Variants in MTARC2 observed in about 807,000 individuals in gnomAD.
MTARC2 encodes MOCO sulphurase C-terminal domain containing 2.
Under a neutral mutation model 35.6 loss-of-function variants are expected in MTARC2, and 27 were observed. That is an observed-to-expected ratio of 0.76 (90% CI 0.56 to 1.04). The LOEUF is 1.04. MTARC2 is among the 50% of genes least tolerant of loss of function. The pLI is 0.00. For synonymous variants in MTARC2, 158 were observed against 167.1 expected (o/e 0.95, Z 0.42); for missense variants, 412 against 432.5 (o/e 0.95, Z 0.42).
At chr1:220,782,890 G>A (rs1334753927) in intron 7 of MTARC2, among the ~76,000 whole-genome samples, 2 of 152,190 alleles carry the variant, frequency 1.3e-5, no homozygotes, top group Non-Finnish European at 2.9e-5. Context: ...AGCAATAAAA[G>A]TTATCTTGAG....
At position 220,783,981 on chromosome 1, in the gene MTARC2, A is replaced by G. The variant is rs1308776668; in HGVS notation, c.*94A>G. 1.4e-6 allele frequency: 1 copy of G among 717,288 alleles called. No individual in the cohort carries two copies. The highest frequency in any genetic ancestry group is 2.6e-6 in the Non-Finnish European group (1 of 384,994). 44.4% of individuals were successfully genotyped at this position (717,288 alleles called of 1,614,324 possible). A position where few individuals can be genotyped will look rare whatever the true frequency, so the allele number is the denominator to read the frequency against. The stretch of plus-strand genomic sequence containing the variant: ...AACAGCAGCAACGATACATCAGCAA[A>G]TCCTTATTATCCAGCCTTCAACTAT... On this transcript the variant is annotated 3_prime_UTR_variant, in exon 8 of 8. Coordinates refer to ENST00000366913, the MANE Select transcript of MTARC2 (RefSeq NM_017898.5).
intron 1 of MTARC2, chr1:220,754,360 T>C (rs1430410839): frequency 4.4e-6 from 2 of 456,196 alleles, no homozygotes; most frequent in Non-Finnish European, 8.8e-6. Context: ...CTTTGTTCTC[T>C]ATGTCAGAAT....
At chr1:220,761,526 C>A in intron 2 of MTARC2, 132 bp from the exon 3 acceptor site, 3 of 797,864 alleles carry the variant, frequency 3.8e-6, no homozygotes, top group Middle Eastern at 3.7e-4. Context: ...TTCTGCCCAG[C>A]TTTGACCCAG....
At chr1:220,758,896 C>T (rs1376674931) in intron 2 of MTARC2, among the ~76,000 whole-genome samples, 1 of 151,794 alleles carries the variant, frequency 6.6e-6, no homozygotes, top group Non-Finnish European at 1.5e-5. Context: ...TGCAAGAGGA[C>T]CTGGTATACA....
chr1:220,776,637 C>A (rs185498480), intron 4 of MTARC2, among the ~76,000 whole-genome samples: 1 of 152,072 alleles, frequency 6.6e-6, no homozygotes, highest in East Asian at 1.9e-4. Flanking sequence ...ACGATTCTTA[C>A]GAATCCAGAC....
chr1:220,757,591 C>T (rs1671313913), intron 2 of MTARC2, among the ~76,000 whole-genome samples: 1 of 152,080 alleles, frequency 6.6e-6, no homozygotes, highest in African/African-American at 2.4e-5. Flanking sequence ...TTGGTGAGGT[C>T]CCTTTTCAGG....
intron 6 of MTARC2, 89 bp from the exon 7 acceptor site, chr1:220,781,689 A>T (rs1485065408): frequency 1.4e-6 from 2 of 1,401,876 alleles, no homozygotes; most frequent in Non-Finnish European, 2.0e-6. Context: ...ATTTATAAAT[A>T]ACTTGGAAGG....
In MTARC2 at chr1:220,776,914, T is replaced by C. The variant is rs533085774; in HGVS notation, c.751-3104T>C. ...CCCTCGTGTGGTAGGTGCCCAGCCT[T>C]CCTGGCTGCATCTCAGGCCAGGGTA... On this transcript the variant is annotated intron_variant, in intron 4 of 7. Transcript: ENST00000366913. Among the ~76,000 whole-genome samples the C allele has an allele frequency of 8.3e-4, 127 of 152,288 alleles. No individual in the cohort carries two copies. In the Middle Eastern group the frequency reaches 0.01, roughly 12 times the overall value.
At chr1:220,758,966 C>T (rs893077522) in intron 2 of MTARC2, among the ~76,000 whole-genome samples, 1 of 151,956 alleles carries the variant, frequency 6.6e-6, no homozygotes, top group African/African-American at 2.4e-5. Context: ...TATTAATCCA[C>T]CTTATCTATG....
chr1:220,765,776 C>G (rs1453955351), intron 4 of MTARC2, among the ~76,000 whole-genome samples: 1 of 152,158 alleles, frequency 6.6e-6, no homozygotes, highest in Non-Finnish European at 1.5e-5. Context: ...GAGACAGGGT[C>G]TCCCTATGTT....
At position 220,755,010 on chromosome 1, in the gene MTARC2, G is replaced by A. The variant is rs1291332265; in HGVS notation, c.336G>A (p.Val112=). The A allele has an allele frequency of 1.9e-6, 3 of 1,613,178 alleles. No homozygotes were observed. The Admixed American group carries it at 5.0e-5, about 27-fold the overall frequency. The part of the protein sequence containing the change: ...MVTARQEPRL[V]LISIIYENNC... ...CTGCCCGACAGGAGCCTCGCCTCGT[G>A]CTCATCTCCATCATTTATGAGAATA... The change falls in exon 2 of 8, where the codon GTG becomes GTA. Residue 112 remains valine, a synonymous_variant. Transcript: ENST00000366913.
chr1:220,759,210 G>T (rs982737897), intron 2 of MTARC2, among the ~76,000 whole-genome samples: 4 of 151,994 alleles, frequency 2.6e-5, no homozygotes, highest in African/African-American at 9.7e-5. Context: ...GATTTTCTTT[G>T]TAAGAGTCTA....
intron 1 of MTARC2, among the ~76,000 whole-genome samples, chr1:220,753,711 G>T (rs1007238873): frequency 6.6e-6 from 1 of 152,138 alleles, no homozygotes; most frequent in African/African-American, 2.4e-5. Flanking sequence ...ATCAGTGCCT[G>T]CATTTTCCTC....
intron 4 of MTARC2, among the ~76,000 whole-genome samples, chr1:220,771,517 A>G (rs544698626): frequency 1.3e-5 from 2 of 152,286 alleles, no homozygotes; most frequent in South Asian, 4.1e-4. Flanking sequence ...GGGTCTCCAC[A>G]CAGTGCCGTT....
chr1:220,762,569 T>C (rs1259209870), intron 3 of MTARC2, among the ~76,000 whole-genome samples: 1 of 152,182 alleles, frequency 6.6e-6, no homozygotes, highest in Non-Finnish European at 1.5e-5. Flanking sequence ...TTGAGGAAAT[T>C]ATTACTGGAG....
chr1:220,776,250 TC>T (rs66863452), intron 4 of MTARC2, among the ~76,000 whole-genome samples: 3,610 of 152,300 alleles, frequency 0.024, 108 homozygotes, highest in African/African-American at 0.064. Flanking sequence ...CATTGTGGTT[TC>T]GATTTGCATT....
At chr1:220,775,441 G>A (rs1158620655) in intron 4 of MTARC2, among the ~76,000 whole-genome samples, 1 of 152,186 alleles carries the variant, frequency 6.6e-6, no homozygotes, top group African/African-American at 2.4e-5. Flanking sequence ...TTACCAGCAG[G>A]GGGCGCACTA....
intron 6 of MTARC2, among the ~76,000 whole-genome samples, chr1:220,781,342 G>C (rs904936310): frequency 2.6e-5 from 4 of 152,140 alleles, no homozygotes; most frequent in Admixed American, 2.0e-4. Context: ...CTGAATTTTT[G>C]TTCACCAGTG....
At chr1:220,775,820 C>T (rs1178497108) in intron 4 of MTARC2, among the ~76,000 whole-genome samples, 3 of 151,840 alleles carry the variant, frequency 2.0e-5, no homozygotes, top group Non-Finnish European at 2.9e-5. Flanking sequence ...AGAATAATGG[C>T]CTCCAGCTCT....
Sources: allele counts gnomAD v4.1 joint callset (sites outside exome capture counted in the v4.1 genomes callset), GRCh38; gene constraint gnomAD v4.1.1; transcripts MANE v1.5; gene names NCBI Gene and HGNC (gene_info 2026-07-23, HGNC 2026-07-21).